The following PCM1 variants were observed in gnomAD, a reference collection of about 807,000 sequenced individuals.
The protein encoded by PCM1 is pericentriolar material 1.
PCM1 carries 157 observed loss-of-function variants against 241.9 expected under a neutral mutation model. That is an observed-to-expected ratio of 0.65 (90% CI 0.57 to 0.74). The LOEUF is 0.74. PCM1 is among the 30% of genes least tolerant of loss of function. The pLI, the probability that PCM1 is intolerant of heterozygous loss-of-function variation, is 0.00. For missense variants in PCM1, 3,478 were observed against 2,360.1 expected (o/e 1.47, Z -9.81); for synonymous variants, 1,085 against 784.9 (o/e 1.38, Z -6.39).
chr8:17,943,034 TTATAAAAGTGCATG>T (rs895540143), intron 6 of PCM1, among the ~76,000 whole-genome samples: 34 of 152,120 alleles, frequency 2.2e-4, no homozygotes, highest in Admixed American at 1.8e-3. Context: ...AAAATACCAT[TTATAAAAGTGCATG>T]TATCTGTTGG....
intron 34 of PCM1, 118 bp from the exon 35 acceptor site, chr8:18,013,846 C>G (rs1463357807): frequency 7.8e-6 from 5 of 642,092 alleles, no homozygotes; most frequent in South Asian, 2.0e-5. Context: ...TTAGAAGATA[C>G]TTTTAAATTT....
chr8:17,980,469 T>C (rs2080323363), intron 23 of PCM1, 122 bp from the exon 24 acceptor site: 2 of 695,918 alleles, frequency 2.9e-6, no homozygotes, highest in East Asian at 5.2e-5. Flanking sequence ...TGTATTCTAT[T>C]TATACCAGGC....
intron 29 of PCM1, among the ~76,000 whole-genome samples, chr8:17,998,516 G>A (rs747033813): frequency 2.0e-5 from 3 of 152,152 alleles, no homozygotes; most frequent in Non-Finnish European, 4.4e-5. Context: ...TCAAATAAAT[G>A]GAATCTCTGT....
intron 9 of PCM1, among the ~76,000 whole-genome samples, chr8:17,954,448 GA>G (rs975437584): frequency 6.7e-6 from 1 of 148,648 alleles, no homozygotes; most frequent in Non-Finnish European, 1.5e-5. Context: ...AAAAAGAAAA[GA>G]AAAAAACAAC....
chr8:17,970,052 AT>A (rs1422029430), intron 22 of PCM1, among the ~76,000 whole-genome samples: 2 of 152,324 alleles, frequency 1.3e-5, no homozygotes, highest in East Asian at 1.9e-4. Flanking sequence ...GGAAACTAAT[AT>A]TAACTGCTAG....
intron 29 of PCM1, among the ~76,000 whole-genome samples, chr8:17,999,384 CT>C (rs1408791095): frequency 6.6e-6 from 1 of 152,060 alleles, no homozygotes; most frequent in African/African-American, 2.4e-5. Flanking sequence ...AAGATTAATC[CT>C]TCCAGGACTG....
At chr8:17,954,744 G>T (rs1347093142) in intron 9 of PCM1, among the ~76,000 whole-genome samples, 1 of 152,122 alleles carries the variant, frequency 6.6e-6, no homozygotes, top group East Asian at 1.9e-4. Flanking sequence ...GAAGTGCAAA[G>T]ATTCTTAATC....
intron 29 of PCM1, among the ~76,000 whole-genome samples, chr8:17,994,841 G>T (rs1460358618): frequency 6.6e-6 from 1 of 151,510 alleles, no homozygotes; most frequent in Non-Finnish European, 1.5e-5. Context: ...CTTTTGAGAA[G>T]TGTGTCTTCA....
intron 36 of PCM1, among the ~76,000 whole-genome samples, chr8:18,018,858 A>G (rs1216102956): frequency 2.7e-4 from 12 of 44,384 alleles, no homozygotes; most frequent in African/African-American, 7.6e-4. Context: ...GTGTGTATAT[A>G]TATATATATA....
At chr8:17,981,619 A>T (rs978349980) in intron 24 of PCM1, among the ~76,000 whole-genome samples, 1 of 152,184 alleles carries the variant, frequency 6.6e-6, no homozygotes, top group East Asian at 1.9e-4. Context: ...TATAAAATGC[A>T]TGCGTTTTTT....
At chr8:17,939,149 G>A in intron 5 of PCM1, 140 bp downstream of exon 5, 1 of 712,644 alleles carries the variant, frequency 1.4e-6, no homozygotes, top group Admixed American at 3.1e-5. Flanking sequence ...TTGTTAATCT[G>A]CCAGATTTAC....
intron 35 of PCM1, among the ~76,000 whole-genome samples, chr8:18,014,308 A>C (rs1186029122): frequency 2.0e-5 from 3 of 151,360 alleles, no homozygotes; most frequent in African/African-American, 7.3e-5. Context: ...ATAATGGTAG[A>C]TTTAAAAAAA....
rs560752312 is a variant in PCM1, at chr8:17,955,743, G to C, written c.1472+90G>C. ...TTATGTTGAAAATTCTGCAAAACGA[G>C]ATTTATTTAATATTGTTGTAAACAT... On this transcript the variant is annotated intron_variant, in intron 10 of 38. Coordinates refer to ENST00000325083, the MANE Select transcript of PCM1 (RefSeq NM_006197.4). 148 of 961,356 alleles carry C rather than the reference G, an allele frequency of 1.5e-4. No homozygotes were observed. In the African/African-American group the frequency reaches 2.1e-3, roughly 14 times the overall value. The allele number at this position is 961,356 out of a possible 1,614,324, so 59.6% of individuals were successfully genotyped here.
chr8:18,004,392 C>T (rs1469793844), intron 29 of PCM1, among the ~76,000 whole-genome samples: 2 of 152,120 alleles, frequency 1.3e-5, no homozygotes, highest in African/African-American at 2.4e-5. Flanking sequence ...ACCTTTTAAG[C>T]GCTACTAGCA....
intron 35 of PCM1, among the ~76,000 whole-genome samples, 189 bp downstream of exon 35, chr8:18,014,225 A>G (rs951934002): frequency 2.0e-4 from 30 of 152,306 alleles, no homozygotes; most frequent in Non-Finnish European, 3.2e-4. Flanking sequence ...TCTATAAACA[A>G]TAAAGAAAAG....
chr8:17,997,442 G>C (rs975921945), intron 29 of PCM1, among the ~76,000 whole-genome samples: 2 of 151,984 alleles, frequency 1.3e-5, no homozygotes, highest in Admixed American at 1.3e-4. Flanking sequence ...TACTACCTCT[G>C]TCTCTCTCTA....
At chr8:17,924,642 A>G (rs1348431347) in intron 1 of PCM1, 71 bp from the exon 2 acceptor site, 1 of 152,172 alleles carries the variant, frequency 6.6e-6, no homozygotes, top group African/African-American at 2.4e-5. Flanking sequence ...CCAAAACTGA[A>G]GTATTTTTTA....
intron 38 of PCM1, among the ~76,000 whole-genome samples, chr8:18,026,810 T>G (rs2094255342): frequency 6.6e-6 from 1 of 152,120 alleles, no homozygotes; most frequent in Non-Finnish European, 1.5e-5. Flanking sequence ...CCCTTGCTGC[T>G]CCTCCTCTGC....
intron 2 of PCM1, chr8:17,926,742 A>G (rs1563561775): frequency 1.3e-5 from 2 of 152,196 alleles, no homozygotes; most frequent in Non-Finnish European, 2.9e-5. Context: ...GGATTGATGG[A>G]TTTAGGGAGA....
Sources: gnomAD v4.1 joint callset for allele counts (sites outside exome capture counted in the v4.1 genomes callset) on GRCh38, gnomAD v4.1.1 for gene constraint, MANE v1.5 for transcripts, NCBI Gene and HGNC (gene_info 2026-07-23, HGNC 2026-07-21) for gene names.